Variants in MAP4K4 observed in about 807,000 individuals in gnomAD.
MAP4K4 encodes the protein HPK/GCK-like kinase HGK.
Under a neutral mutation model 189.6 loss-of-function variants are expected in MAP4K4, and 38 were observed. The ratio of observed to expected loss-of-function variants is 0.20; its 90% CI spans 0.15 to 0.26. The LOEUF is 0.26. Ranked by LOEUF, MAP4K4 falls within the 10% of genes least tolerant of loss-of-function variation. The probability of loss-of-function intolerance (pLI) is 1.00; values close to 1 mark genes in which losing one functional copy is unlikely to be tolerated. For synonymous variants in MAP4K4, 610 were observed against 624.3 expected, an observed-to-expected ratio of 0.98 and a Z score of 0.34; for missense variants, 1,054 against 1,726.9, an observed-to-expected ratio of 0.61 and a Z score of 6.91.
chr2:101,875,926 A>G (rs571274381), intron 26 of MAP4K4, among the ~76,000 whole-genome samples: 30 of 152,308 alleles, frequency 2.0e-4, no homozygotes, highest in Admixed American at 7.2e-4. Context: ...TTTTAGCAAG[A>G]TTAGGATTGA....
intron 2 of MAP4K4, among the ~76,000 whole-genome samples, chr2:101,739,364 C>T (rs185406592): frequency 2.0e-5 from 3 of 152,074 alleles, no homozygotes; most frequent in Admixed American, 2.0e-4. Context: ...TTATTTTCTT[C>T]ATGGATAGGA....
At chr2:101,699,052 G>GACCT (rs1374139838) in intron 2 of MAP4K4, among the ~76,000 whole-genome samples, 1 of 152,142 alleles carries the variant, frequency 6.6e-6, no homozygotes, top group Non-Finnish European at 1.5e-5. Context: ...CCTTTCTATT[G>GACCT]ATGGATACGT....
chr2:101,769,778 C>T (rs1236525655), intron 2 of MAP4K4, among the ~76,000 whole-genome samples: 2 of 152,022 alleles, frequency 1.3e-5, no homozygotes, highest in Non-Finnish European at 2.9e-5. Flanking sequence ...GACGAGGTTT[C>T]ACCATGTTGG....
chr2:101,820,946 C>T (rs778265009), intron 3 of MAP4K4, among the ~76,000 whole-genome samples: 20 of 152,164 alleles, frequency 1.3e-4, no homozygotes, highest in Non-Finnish European at 2.6e-4. Flanking sequence ...GGCATGCTTC[C>T]TCATGTTTTA....
intron 2 of MAP4K4, among the ~76,000 whole-genome samples, chr2:101,718,461 C>T (rs1482024727): frequency 1.9e-5 from 2 of 104,220 alleles, no homozygotes; most frequent in Non-Finnish European, 3.5e-5. Flanking sequence ...ACCTTTTTGC[C>T]AGATTTGTTT....
At chr2:101,779,366 A>G (rs2086087280) in intron 2 of MAP4K4, among the ~76,000 whole-genome samples, 1 of 152,198 alleles carries the variant, frequency 6.6e-6, no homozygotes, top group Non-Finnish European at 1.5e-5. Context: ...TATCAACTCC[A>G]CTAGATCTAT....
intron 2 of MAP4K4, among the ~76,000 whole-genome samples, chr2:101,750,174 GA>G (rs1175650921): frequency 5.4e-5 from 8 of 149,498 alleles, no homozygotes; most frequent in Non-Finnish European, 1.2e-4. Context: ...ATACCCAATG[GA>G]CTATAAATCA....
chr2:101,706,892 C>T (rs76163152), intron 2 of MAP4K4, among the ~76,000 whole-genome samples: 1 of 152,308 alleles, frequency 6.6e-6, no homozygotes, highest in East Asian at 1.9e-4. Context: ...GCCTCATCTT[C>T]TCTTGTCTGG....
intron 12 of MAP4K4, among the ~76,000 whole-genome samples, chr2:101,848,544 C>T (rs962592249): frequency 1.3e-5 from 2 of 152,202 alleles, no homozygotes; most frequent in African/African-American, 2.4e-5. Flanking sequence ...ACTGGCAAAA[C>T]ATGATCCAGA....
intron 16 of MAP4K4, 67 bp from the exon 17 acceptor site, chr2:101,863,754 G>T: frequency 1.8e-6 from 2 of 1,084,514 alleles, no homozygotes; most frequent in Non-Finnish European, 2.6e-6. Flanking sequence ...TTTGGATTTG[G>T]TATTGACCAG....
chr2:101,727,122 T>C (rs2055862242), intron 2 of MAP4K4, among the ~76,000 whole-genome samples: 1 of 152,134 alleles, frequency 6.6e-6, no homozygotes, highest in Non-Finnish European at 1.5e-5. Context: ...CACCTCAATA[T>C]TGCCACATTG....
intron 2 of MAP4K4, among the ~76,000 whole-genome samples, chr2:101,707,212 CTT>C (rs545502305): frequency 1.3e-4 from 18 of 133,898 alleles, no homozygotes; most frequent in Non-Finnish European, 1.3e-4. Context: ...TTTATTTTAT[CTT>C]TTTTTTTTTT....
At chr2:101,765,970 T>TA (rs1190555966) in intron 2 of MAP4K4, among the ~76,000 whole-genome samples, 7 of 152,178 alleles carry the variant, frequency 4.6e-5, no homozygotes, top group Non-Finnish European at 1.0e-4. Context: ...TAAAAAAAAT[T>TA]AAAAAAATTA....
At chr2:101,849,602 T>A (rs1230783080) in intron 12 of MAP4K4, among the ~76,000 whole-genome samples, 1 of 140,112 alleles carries the variant, frequency 7.1e-6, no homozygotes, top group Non-Finnish European at 1.5e-5. Context: ...TGTGGTGTCA[T>A]TTTATCTCAA....
At chr2:101,730,301 C>G (rs1559127862) in intron 2 of MAP4K4, among the ~76,000 whole-genome samples, 1 of 152,026 alleles carries the variant, frequency 6.6e-6, no homozygotes, top group Non-Finnish European at 1.5e-5. Flanking sequence ...GATCATGAGT[C>G]TGGGGTGGAG....
At chr2:101,783,023 G>T (rs1258093512) in intron 2 of MAP4K4, among the ~76,000 whole-genome samples, 1 of 152,146 alleles carries the variant, frequency 6.6e-6, no homozygotes, top group African/African-American at 2.4e-5. Flanking sequence ...AGTCACATAG[G>T]TTTCCATATT....
intron 2 of MAP4K4, among the ~76,000 whole-genome samples, chr2:101,790,060 T>A (rs1223147798): frequency 6.6e-6 from 1 of 152,116 alleles, no homozygotes; most frequent in African/African-American, 2.4e-5. Context: ...GAAATAATTT[T>A]AAAAAAAGAA....
exon 5 of MAP4K4, chr2:101,825,354 A>G (rs1427697813): frequency 6.2e-7 from 1 of 1,613,444 alleles, no homozygotes; most frequent in Non-Finnish European, 8.5e-7. Context: ...GGTCCATTAC[A>G]GACCTTGTGA....
intron 2 of MAP4K4, among the ~76,000 whole-genome samples, chr2:101,784,845 G>A (rs1413387461): frequency 6.6e-6 from 1 of 152,180 alleles, no homozygotes; most frequent in East Asian, 1.9e-4. Context: ...GCCTGGTATA[G>A]AGAGCCAGTC....
Sources: allele counts gnomAD v4.1 joint callset (sites outside exome capture counted in the v4.1 genomes callset), GRCh38; gene constraint gnomAD v4.1.1; transcripts MANE v1.5; gene names NCBI Gene and HGNC (gene_info 2026-07-23, HGNC 2026-07-21).